UVRAG: variants seen among roughly 807,000 people sequenced by gnomAD.
UVRAG encodes UV radiation resistance associated.
In UVRAG, 19 loss-of-function variants were observed where a neutral mutation model predicts 78.0. That is an observed-to-expected ratio of 0.24 (90% confidence interval 0.17 to 0.36). The LOEUF is 0.36. Among genes scored for constraint, UVRAG ranks in the 10% least tolerant of loss-of-function variants. The pLI is 1.00. For synonymous variants in UVRAG, 323 were observed against 324.6 expected (o/e 1.00, Z 0.05); for missense variants, 740 against 853.8 (o/e 0.87, Z 1.66).
intron 13 of UVRAG, among the ~76,000 whole-genome samples, chr11:76,083,999 G>A (rs1315711010): frequency 6.6e-6 from 1 of 152,226 alleles, no homozygotes; most frequent in Non-Finnish European, 1.5e-5. Flanking sequence ...AGGTTGGTTA[G>A]TGCTGCCTTA....
intron 5 of UVRAG, among the ~76,000 whole-genome samples, chr11:75,891,879 A>G (rs990293892): frequency 6.6e-6 from 1 of 152,088 alleles, no homozygotes; most frequent in Non-Finnish European, 1.5e-5. Context: ...GCGCCACTTC[A>G]CTGGGCAATG....
At chr11:75,849,443 G>A (rs988314959) in intron 1 of UVRAG, among the ~76,000 whole-genome samples, 1 of 148,918 alleles carries the variant, frequency 6.7e-6, no homozygotes, top group South Asian at 2.1e-4. Context: ...GCAGAGAGCC[G>A]AGATTGCGCC....
intron 3 of UVRAG, among the ~76,000 whole-genome samples, chr11:75,872,118 G>A (rs190430412): frequency 1.6e-3 from 249 of 152,236 alleles, no homozygotes; most frequent in Non-Finnish European, 2.9e-3. Context: ...AAGTGGAGTT[G>A]GTGGTCTGTT....
chr11:76,140,048 ACT>A (rs1312448539), intron 14 of UVRAG, among the ~76,000 whole-genome samples: 11 of 89,970 alleles, frequency 1.2e-4, no homozygotes, highest in African/African-American at 2.2e-4. Flanking sequence ...TATAACCTTG[ACT>A]CTCTCTCTCT....
intron 14 of UVRAG, among the ~76,000 whole-genome samples, chr11:76,130,874 G>A (rs1204964857): frequency 1.3e-5 from 2 of 151,736 alleles, no homozygotes; most frequent in African/African-American, 4.8e-5. Flanking sequence ...TGGGGGCTGG[G>A]TTCTGTGAGA....
intron 13 of UVRAG, among the ~76,000 whole-genome samples, chr11:76,070,433 CAA>C (rs1395032490): frequency 6.6e-6 from 1 of 152,040 alleles, no homozygotes; most frequent in Non-Finnish European, 1.5e-5. Context: ...GAAAATTTGT[CAA>C]GAGAGTAGAT....
chr11:76,063,033 C>T (rs1433177135), intron 12 of UVRAG, among the ~76,000 whole-genome samples: 5 of 152,062 alleles, frequency 3.3e-5, no homozygotes, highest in Non-Finnish European at 7.4e-5. Context: ...TGGTAGTCAT[C>T]GCATAATTCT....
At chr11:76,099,909 T>C (rs1434952341) in intron 13 of UVRAG, among the ~76,000 whole-genome samples, 2 of 152,070 alleles carry the variant, frequency 1.3e-5, no homozygotes, top group Non-Finnish European at 2.9e-5. Context: ...TGCCTCTTAT[T>C]TTCCAATTTT....
chr11:75,989,873 A>T (rs533521827), intron 8 of UVRAG, among the ~76,000 whole-genome samples: 1 of 152,358 alleles, frequency 6.6e-6, no homozygotes, highest in South Asian at 2.1e-4. Context: ...AGTGAGTATT[A>T]CACAGCATGA....
chr11:76,091,261 ATTTAC>A (rs1480192401), intron 13 of UVRAG, among the ~76,000 whole-genome samples: 8 of 152,118 alleles, frequency 5.3e-5, no homozygotes, highest in African/African-American at 1.9e-4. Context: ...GTGAAATATT[ATTTAC>A]TTATTTTGCT....
At chr11:76,097,880 G>A (rs569524283) in intron 13 of UVRAG, among the ~76,000 whole-genome samples, 8 of 152,008 alleles carry the variant, frequency 5.3e-5, no homozygotes, top group Non-Finnish European at 1.0e-4. Flanking sequence ...ACTCCTTACC[G>A]CCTATAGTTT....
chr11:76,063,365 G>C (rs1261967735), intron 12 of UVRAG, among the ~76,000 whole-genome samples: 1 of 152,208 alleles, frequency 6.6e-6, no homozygotes, highest in Admixed American at 6.5e-5. Context: ...GTAGATAAAG[G>C]TGGGCTCTGA....
At chr11:75,869,013 CA>C (rs1946591830) in intron 3 of UVRAG, among the ~76,000 whole-genome samples, 1 of 152,154 alleles carries the variant, frequency 6.6e-6, no homozygotes, top group Non-Finnish European at 1.5e-5. Flanking sequence ...ATGTCATATA[CA>C]TTATTTCTCA....
chr11:76,072,681 A>C (rs79532832), intron 13 of UVRAG, among the ~76,000 whole-genome samples: 334 of 152,362 alleles, frequency 2.2e-3, no homozygotes, highest in African/African-American at 7.6e-3. Context: ...TTGGCCATCT[A>C]TATAGGCATT....
At chr11:75,909,420 A>G (rs7129594) in intron 5 of UVRAG, among the ~76,000 whole-genome samples, 152,130 of 152,252 alleles carry the variant, frequency 1, 76,006 homozygotes, top group Middle Eastern at 1. Context: ...GGAGGTTGAG[A>G]CTGCAGTGAA....
At chr11:76,114,473 A>G (rs1197647153) in intron 13 of UVRAG, among the ~76,000 whole-genome samples, 9 of 152,250 alleles carry the variant, frequency 5.9e-5, no homozygotes, top group Admixed American at 5.9e-4. Flanking sequence ...CCATTGAACC[A>G]TGCGGCCCTG....
chr11:75,949,575 C>T (rs1338146429), intron 6 of UVRAG, among the ~76,000 whole-genome samples: 3 of 151,950 alleles, frequency 2.0e-5, no homozygotes, highest in African/African-American at 7.3e-5. Context: ...CAAACTGTTG[C>T]TGCCGTGTTC....
At position 76,110,751 on chromosome 11, in the gene UVRAG, GC is replaced by G. The variant is rs528623088; in HGVS notation, c.1306-5172del. Among the ~76,000 whole-genome samples, 421 of 152,220 alleles carry G rather than the reference GC, an allele frequency of 2.8e-3. 3 individuals are homozygous for G. The highest frequency in any genetic ancestry group is 9.8e-3 in the African/African-American group (405 of 41,518). On this transcript the variant is annotated intron_variant, in intron 13 of 14. Transcript: ENST00000356136. ...GAGAGACATAGAGACAAGAAAGAGA[GC>G]TTTCTGCCAGAGTAATGAGTACTGT...
chr11:75,857,523 T>C (rs1946318904), intron 2 of UVRAG, among the ~76,000 whole-genome samples: 1 of 148,584 alleles, frequency 6.7e-6, no homozygotes, highest in Non-Finnish European at 1.5e-5. Flanking sequence ...GGAGTCTCGC[T>C]CTGTTGCCCA....
Sources: allele counts gnomAD v4.1 joint callset (sites outside exome capture counted in the v4.1 genomes callset), GRCh38; gene constraint gnomAD v4.1.1; transcripts MANE v1.5; gene names NCBI Gene and HGNC (gene_info 2026-07-23, HGNC 2026-07-21).